MYT1L: variants seen among roughly 807,000 people sequenced by gnomAD.
MYT1L encodes the protein myelin transcription factor 1-like protein.
MYT1L carries 12 observed loss-of-function variants against 126.7 expected under a neutral mutation model. The ratio of observed to expected loss-of-function variants is 0.09; its 90% CI spans 0.06 to 0.15. MYT1L has a LOEUF of 0.15. Ranked by LOEUF, MYT1L falls within the 10% of genes least tolerant of loss-of-function variation. The pLI, the probability that MYT1L is intolerant of heterozygous loss-of-function variation, is 1.00. For missense variants in MYT1L, 979 were observed against 1,585.2 expected, an observed-to-expected ratio of 0.62 and a Z score of 6.49; for synonymous variants, 541 against 604.2, an observed-to-expected ratio of 0.90 and a Z score of 1.53.
chr2:2,068,155 C>T (rs970088097), intron 3 of MYT1L, among the ~76,000 whole-genome samples: 1 of 152,096 alleles, frequency 6.6e-6, no homozygotes, highest in African/African-American at 2.4e-5. Flanking sequence ...TTGCTGACGT[C>T]CCAGGGGTTT....
At chr2:2,058,087 C>G (rs1359859961) in intron 3 of MYT1L, among the ~76,000 whole-genome samples, 1 of 152,166 alleles carries the variant, frequency 6.6e-6, no homozygotes, top group East Asian at 1.9e-4. Context: ...TTCTCATTGT[C>G]TTAGTCAAAA....
chr2:2,109,136 A>G (rs565501095), intron 3 of MYT1L, among the ~76,000 whole-genome samples: 1 of 152,378 alleles, frequency 6.6e-6, no homozygotes, highest in Admixed American at 6.5e-5. Context: ...ATGATGGATC[A>G]GTATGGGAAC....
Position 1,892,229 on chromosome 2 carries a change from G to A in MYT1L, c.2091C>T (p.Pro697=). 1 of 1,550,166 alleles carries A rather than the reference G, an allele frequency of 6.5e-7. No individual in the cohort carries two copies. Among genetic ancestry groups the A allele is most frequent in the South Asian group, 1.2e-5 (1 of 84,004 alleles). ...CGCAGCTCAGGTTGCTGCTGCTGCT[G>A]GGCGCGTAGCTGCTGGTGCTGCTGC... ...PSSSSTSSYA[P]SSSSNLSCGG... Residue 697 remains proline, a synonymous_variant, in exon 15 of 25, where the codon CCC becomes CCT. Coordinates refer to ENST00000647738, the MANE Select transcript of MYT1L (RefSeq NM_001303052.2).
intron 3 of MYT1L, among the ~76,000 whole-genome samples, chr2:2,128,581 T>G (rs747319001): frequency 6.6e-6 from 1 of 152,238 alleles, no homozygotes; most frequent in Non-Finnish European, 1.5e-5. Flanking sequence ...ATGGGGATTA[T>G]TCTATGTAAA....
At chr2:1,915,907 C>T (rs1223276067) in intron 11 of MYT1L, among the ~76,000 whole-genome samples, 1 of 152,100 alleles carries the variant, frequency 6.6e-6, no homozygotes. Context: ...GGGGGTGTTG[C>T]CCTGCAGTGT....
rs569314661 is a variant in MYT1L, at chr2:2,185,983, G to T, written c.-420-12995C>A. ...CCAGACGTCCGCGTTCCTTCCTTGA[G>T]GGGGACGCAGCCAGGCCTTCCGGGC... On this transcript the variant is annotated intron_variant, in intron 2 of 24. Coordinates refer to ENST00000647738, the MANE Select transcript of MYT1L (RefSeq NM_001303052.2). Among the ~76,000 whole-genome samples the T allele has an allele frequency of 1.0e-3, 113 of 110,944 alleles. 3 individuals carry two copies. The highest frequency in any genetic ancestry group is 1.6e-3 in the Non-Finnish European group (89 of 56,480). 72.8% of individuals were successfully genotyped at this position (110,944 alleles called of 152,430 possible). A position where few individuals can be genotyped will look rare whatever the true frequency, so the allele number is the denominator to read the frequency against.
chr2:1,976,934 C>T (rs879314709), intron 8 of MYT1L, among the ~76,000 whole-genome samples: 21 of 152,226 alleles, frequency 1.4e-4, no homozygotes, highest in South Asian at 6.2e-4. Flanking sequence ...AGGCTGTAGA[C>T]GTTACGTAAG....
At chr2:2,024,225 T>C (rs2065310838) in intron 4 of MYT1L, among the ~76,000 whole-genome samples, 1 of 152,206 alleles carries the variant, frequency 6.6e-6, no homozygotes, top group Non-Finnish European at 1.5e-5. Context: ...ATATACTACA[T>C]TATTATTAGC....
chr2:2,240,028 C>A (rs1009623343), intron 2 of MYT1L, among the ~76,000 whole-genome samples: 3 of 152,150 alleles, frequency 2.0e-5, no homozygotes, highest in Non-Finnish European at 4.4e-5. Context: ...CCAGGCACAG[C>A]GACTCATGCC....
intron 18 of MYT1L, among the ~76,000 whole-genome samples, chr2:1,870,220 C>G (rs74353192): frequency 8.5e-5 from 13 of 152,304 alleles, no homozygotes; most frequent in Non-Finnish European, 1.6e-4. Context: ...CCAAAGTGCA[C>G]CCAAGCTGCA....
chr2:2,088,220 G>A (rs533832391), intron 3 of MYT1L, among the ~76,000 whole-genome samples: 13 of 152,308 alleles, frequency 8.5e-5, no homozygotes, highest in South Asian at 4.1e-4. Context: ...GGGCATCACC[G>A]AAGAGAAGGT....
In MYT1L at chr2:2,217,685, C is replaced by CAAAAAAAAAAA. The variant is rs1167910803; in HGVS notation, c.-420-44698_-420-44697insTTTTTTTTTTT. Among the ~76,000 whole-genome samples the CAAAAAAAAAAA allele has an allele frequency of 2.1e-4, 17 of 79,622 alleles. 1 individual carries two copies. Among genetic ancestry groups the CAAAAAAAAAAA allele is most frequent in the Non-Finnish European group, 3.4e-4 (14 of 41,114 alleles). 52.2% of individuals were successfully genotyped at this position (79,622 alleles called of 152,430 possible). A position where few individuals can be genotyped will look rare whatever the true frequency, so the allele number is the denominator to read the frequency against. On this transcript the variant is annotated intron_variant, in intron 2 of 24. Transcript: ENST00000647738. ...AACTCCATCTCAACAACAACAACAA[C>CAAAAAAAAAAA]AACAACAACAACAACAACAACAAAA...
At chr2:1,807,063 G>A (rs946453781) in intron 22 of MYT1L, among the ~76,000 whole-genome samples, 1 of 152,202 alleles carries the variant, frequency 6.6e-6, no homozygotes, top group Admixed American at 6.5e-5. Flanking sequence ...TCCACAGGGA[G>A]AGGTTGTGAG....
intron 3 of MYT1L, among the ~76,000 whole-genome samples, chr2:2,153,046 T>G (rs1487119124): frequency 6.6e-6 from 1 of 152,140 alleles, no homozygotes; most frequent in Non-Finnish European, 1.5e-5. Context: ...GCCTGTAATC[T>G]CAGCACTTTG....
At position 2,252,918 on chromosome 2, in the gene MYT1L, G is replaced by C. The variant is rs1429371348; in HGVS notation, c.-421+31486C>G. On this transcript the variant is annotated intron_variant, in intron 2 of 24. Transcript: ENST00000647738. The stretch of plus-strand genomic sequence containing the variant: ...TTCTCTCCTTCAGGACACCTTTTTA[G>C]GGCATGTATCCTGAATCCTCATTTA... 3.9e-5 allele frequency among the ~76,000 whole-genome samples: 6 copies of C among 152,164 alleles called. No homozygotes were observed. The East Asian group carries it at 5.8e-4, about 15-fold the overall frequency.
chr2:1,910,255 G>A lies in MYT1L; in HGVS notation c.1802C>T (p.Ser601Leu), dbSNP rs1263025144. Residue 601 changes from serine (S) to leucine (L), a missense_variant, in exon 13 of 25, where the codon TCG becomes TTG. Around this residue, in one of 12 missense-constraint regions of MYT1L, gnomAD observed 82 missense variants for 177.2 expected, o/e 0.46. Transcript: ENST00000647738. This position sits in a 1 kb window ranked among gnomAD's most constrained non-coding sequence, Gnocchi z 4.8. The part of the protein sequence containing the change: ...SCDVSKSSQA[S>L]DRVLRPMCFV... The stretch of plus-strand genomic sequence containing the variant: ...TGCTGGGTACCTGAGCACGCGGTCC[G>A]AGGCCTGGCTGGACTTGGACACGTC... 1.9e-6 allele frequency: 3 copies of A among 1,613,184 alleles called. No individual in the cohort carries two copies. Among genetic ancestry groups the A allele is most frequent in the Non-Finnish European group, 2.5e-6 (3 of 1,179,882 alleles).
intron 2 of MYT1L, among the ~76,000 whole-genome samples, chr2:2,177,569 G>A (rs1016858213): frequency 6.6e-6 from 1 of 152,186 alleles, no homozygotes; most frequent in Non-Finnish European, 1.5e-5. Flanking sequence ...AAGGAAAGAG[G>A]TTTAAATGAC....
In MYT1L at chr2:1,917,348, G is replaced by A. The variant is rs1351669910; in HGVS notation, c.1484-9C>T. On this transcript the variant is annotated splice_polypyrimidine_tract_variant and intron_variant, in intron 10 of 24. Coordinates refer to ENST00000647738, the MANE Select transcript of MYT1L (RefSeq NM_001303052.2). This position sits in a 1 kb window ranked among gnomAD's most constrained non-coding sequence, Gnocchi z 5.9. ...TTCTGTTCTTGAGGGATCTAAAAGC[G>A]ACAACAGGTGCCAAGAGAATAAATG... 18 of 1,598,668 alleles carry A rather than the reference G, an allele frequency of 1.1e-5. No individual in the cohort carries two copies. The highest frequency in any genetic ancestry group is 2.7e-5 in the African/African-American group (2 of 74,440).
At chr2:2,156,069 A>G (rs956170887) in intron 3 of MYT1L, among the ~76,000 whole-genome samples, 7 of 152,210 alleles carry the variant, frequency 4.6e-5, no homozygotes, top group Admixed American at 4.6e-4. Flanking sequence ...GGATAAATAA[A>G]TTTTAAAAAG....
Sources: allele counts gnomAD v4.1 joint callset (sites outside exome capture counted in the v4.1 genomes callset), GRCh38; gene constraint gnomAD v4.1.1; regional missense constraint gnomAD v4.1.1; non-coding constraint Gnocchi (gnomAD v3.1); transcripts MANE v1.5; gene names NCBI Gene and HGNC (gene_info 2026-07-23, HGNC 2026-07-21).